The following DRD3 variants were observed in gnomAD, a reference collection of about 807,000 sequenced individuals.
The protein encoded by DRD3 is D(3) dopamine receptor.
A neutral mutation model predicts 36.3 loss-of-function variants in DRD3; 19 were observed. That is an observed-to-expected ratio of 0.52 (90% CI 0.36 to 0.77). The LOEUF is 0.77. Among genes scored for constraint, DRD3 ranks in the 30% least tolerant of loss-of-function variants. The pLI, the probability that DRD3 is intolerant of heterozygous loss-of-function variation, is 0.00. For synonymous variants in DRD3, 195 were observed against 203.7 expected, an observed-to-expected ratio of 0.96 and a Z score of 0.36; for missense variants, 465 against 505.3, an observed-to-expected ratio of 0.92 and a Z score of 0.77.
rs201403721 is a variant in DRD3 at position 114,139,484 on chromosome 3, C to T, written c.723+16G>A. ...ATTGGGTGTTGTCTTCCCTCTACCC[C>T]CTCCAGGGTACTTACTTGCTGGGGG... On this transcript the variant is annotated intron_variant, in intron 5 of 6. Coordinates refer to ENST00000383673, the MANE Select transcript of DRD3 (RefSeq NM_000796.6). 1.9e-5 allele frequency: 30 copies of T among 1,608,718 alleles called. No individual in the cohort carries two copies. The highest frequency in any genetic ancestry group is 1.1e-4 in the African/African-American group (8 of 74,984).
intron 3 of DRD3, among the ~76,000 whole-genome samples, chr3:114,156,776 T>C (rs1361088591): frequency 7.9e-6 from 1 of 126,320 alleles, no homozygotes; most frequent in African/African-American, 2.9e-5. Context: ...TCTTTCTTTC[T>C]TTCTTTCTTT....
intron 6 of DRD3, among the ~76,000 whole-genome samples, chr3:114,130,075 C>A (rs1267784150): frequency 6.6e-6 from 1 of 151,936 alleles, no homozygotes; most frequent in Non-Finnish European, 1.5e-5. Context: ...TAATGAGACC[C>A]TGTCACTACA....
At chr3:114,135,685 T>G (rs188357989) in intron 5 of DRD3, among the ~76,000 whole-genome samples, 23 of 152,244 alleles carry the variant, frequency 1.5e-4, no homozygotes, top group Admixed American at 6.5e-4. Flanking sequence ...TTTGTTTTTT[T>G]TTGTTGTTGT....
At chr3:114,195,628 C>T (rs1576097380) in intron 1 of DRD3, among the ~76,000 whole-genome samples, 1 of 152,162 alleles carries the variant, frequency 6.6e-6, no homozygotes, top group East Asian at 1.9e-4. Context: ...TGTGACTGAA[C>T]ATCTATATAG....
At chr3:114,172,734 G>A (rs2077858906) in intron 1 of DRD3, among the ~76,000 whole-genome samples, 1 of 152,126 alleles carries the variant, frequency 6.6e-6, no homozygotes, top group South Asian at 2.1e-4. Flanking sequence ...GTAAAATGTG[G>A]GAATAATGAA....
chr3:114,192,268 T>A (rs1402565351), intron 1 of DRD3, among the ~76,000 whole-genome samples: 2 of 152,190 alleles, frequency 1.3e-5, no homozygotes, highest in African/African-American at 2.4e-5. Context: ...ATTATTGTTT[T>A]GCTTCTTGGA....
At chr3:114,142,311 G>A (rs897258790) in intron 4 of DRD3, among the ~76,000 whole-genome samples, 3 of 152,164 alleles carry the variant, frequency 2.0e-5, no homozygotes, top group Admixed American at 6.5e-5. Flanking sequence ...CATGTCTCAC[G>A]TGTGAGAAGA....
intron 5 of DRD3, 35 bp from the exon 6 acceptor site, chr3:114,131,435 T>TG: frequency 6.3e-7 from 1 of 1,589,682 alleles, no homozygotes; most frequent in Non-Finnish European, 8.6e-7. Context: ...TTGACATTTC[T>TG]GGGGGTATTG....
At chr3:114,155,052 CT>C (rs2077652790) in intron 3 of DRD3, among the ~76,000 whole-genome samples, 1 of 152,162 alleles carries the variant, frequency 6.6e-6, no homozygotes, top group Admixed American at 6.5e-5. Flanking sequence ...TTATCATTTC[CT>C]TTTCTTTCAT....
intron 3 of DRD3, among the ~76,000 whole-genome samples, chr3:114,157,981 A>C (rs1346529241): frequency 2.0e-5 from 3 of 152,172 alleles, no homozygotes; most frequent in African/African-American, 4.8e-5. Flanking sequence ...TCATGCCTGT[A>C]ATCCCAGCTA....
upstream of DRD3, among the ~76,000 whole-genome samples, chr3:114,180,199 G>A (rs902383683): frequency 6.6e-6 from 1 of 151,904 alleles, no homozygotes; most frequent in African/African-American, 2.4e-5. Flanking sequence ...TAATACATTT[G>A]TATATAATTA....
At position 114,171,895 on chromosome 3, in the gene DRD3, G is replaced by A; in HGVS notation, c.98C>T (p.Ala33Val). ...CAGGATGAGCGCGCAGTAGGAGAGG[G>A]CATAGTAGGCATGTGGGCGGGCCTG... is the stretch of plus-strand genomic sequence containing the variant. Reference protein sequence around the residue: ...ASQARPHAYYALSYCALILAI... With the variant: ...ASQARPHAYYVLSYCALILAI... Residue 33 changes from alanine to valine, a missense_variant, in exon 2 of 7, where the codon GCC (alanine) becomes GTC (valine). By Grantham distance (64) the Ala-to-Val change is moderately conservative. Coordinates refer to ENST00000383673, the MANE Select transcript of DRD3 (RefSeq NM_000796.6). 1 of 1,611,490 alleles carries A rather than the reference G, an allele frequency of 6.2e-7. No individual in the cohort carries two copies. Among genetic ancestry groups the A allele is most frequent in the Non-Finnish European group, 8.5e-7 (1 of 1,178,594 alleles).
intron 3 of DRD3, among the ~76,000 whole-genome samples, chr3:114,154,906 G>C (rs1164827672): frequency 6.6e-6 from 1 of 152,310 alleles, no homozygotes; most frequent in East Asian, 1.9e-4. Flanking sequence ...GAGGCAAGGA[G>C]CTAAAGGAGT....
At chr3:114,189,797 G>T (rs188851567) in intron 1 of DRD3, among the ~76,000 whole-genome samples, 1 of 152,320 alleles carries the variant, frequency 6.6e-6, no homozygotes, top group East Asian at 1.9e-4. Flanking sequence ...GGAAGAAGGT[G>T]ACACTGTGGC....
In DRD3 at chr3:114,151,037, C is replaced by G. The variant is rs78837412; in HGVS notation, c.384-3480G>C. Among the ~76,000 whole-genome samples, 886 of 152,332 alleles carry G rather than the reference C, an allele frequency of 5.8e-3. 9 individuals are homozygous for G. Among genetic ancestry groups the G allele is most frequent in the African/African-American group, 0.02 (825 of 41,556 alleles). The stretch of plus-strand genomic sequence containing the variant: ...AGTCAAATTAAGATCCTGCTACCCA[C>G]TTCTTGGGAGGCTACAACAACCTAG... On this transcript the variant is annotated intron_variant, in intron 3 of 6. Transcript: ENST00000383673.
chr3:114,156,707 G>C (rs563917543), intron 3 of DRD3, among the ~76,000 whole-genome samples: 1 of 142,304 alleles, frequency 7.0e-6, no homozygotes, highest in Admixed American at 6.9e-5. Context: ...CCACAATATG[G>C]CTTGCCTGTC....
chr3:114,164,654 T>C (rs111912804), intron 2 of DRD3, among the ~76,000 whole-genome samples: 64 of 152,298 alleles, frequency 4.2e-4, no homozygotes, highest in African/African-American at 1.5e-3. Flanking sequence ...TCCTGAGAAA[T>C]TGTTGTTCCT....
At chr3:114,169,774 G>A (rs1199753382) in intron 2 of DRD3, among the ~76,000 whole-genome samples, 2 of 152,146 alleles carry the variant, frequency 1.3e-5, no homozygotes, top group African/African-American at 2.4e-5. Context: ...GGGTGCCATG[G>A]ATTTCTAGTG....
intron 5 of DRD3, among the ~76,000 whole-genome samples, chr3:114,135,136 A>G (rs1283524463): frequency 2.0e-5 from 3 of 152,008 alleles, no homozygotes; most frequent in African/African-American, 7.3e-5. Context: ...TTTTCACGAT[A>G]ACCACTTTTT....
Sources: allele counts gnomAD v4.1 joint callset (sites outside exome capture counted in the v4.1 genomes callset), GRCh38; gene constraint gnomAD v4.1.1; transcripts MANE v1.5; gene names NCBI Gene and HGNC (gene_info 2026-07-23, HGNC 2026-07-21).